The following HSDL2 variants were observed in gnomAD, a reference collection of about 807,000 sequenced individuals.
The protein encoded by HSDL2 is hydroxysteroid dehydrogenase like 2, also known as hydroxysteroid dehydrogenase-like protein 2.
In HSDL2, 27 loss-of-function variants were observed where a neutral mutation model predicts 46.3. That is an observed-to-expected ratio of 0.58 (90% CI 0.43 to 0.80). The LOEUF is 0.80. Among genes scored for constraint, HSDL2 ranks in the 30% least tolerant of loss-of-function variants. HSDL2 has a pLI of 0.00. For missense variants in HSDL2, 451 were observed against 502.7 expected, an observed-to-expected ratio of 0.90 and a Z score of 0.98; for synonymous variants, 153 against 163.6, an observed-to-expected ratio of 0.94 and a Z score of 0.50.
At chr9:112,446,801 C>T (rs960274067) in intron 8 of HSDL2, among the ~76,000 whole-genome samples, 5 of 152,152 alleles carry the variant, frequency 3.3e-5, no homozygotes, top group African/African-American at 1.2e-4. Context: ...TTGGGAGCTA[C>T]AAGCTTTGGA....
chr9:112,415,166 A>G (rs2132637782), intron 4 of HSDL2, among the ~76,000 whole-genome samples: 1 of 152,320 alleles, frequency 6.6e-6, no homozygotes, highest in East Asian at 1.9e-4. Context: ...CTTTTTAAAA[A>G]TAAAGCTATG....
chr9:112,454,176 CT>C lies in HSDL2; in HGVS notation c.1015+15del, dbSNP rs1258556347. ...TTGAACTCTCCGGTAAGGACTGCAT[CT>C]GGTAATCTGAAGTTTTTATGAAACA... On this transcript the variant is annotated intron_variant, in intron 9 of 10. Coordinates refer to ENST00000398805, the MANE Select transcript of HSDL2 (RefSeq NM_032303.5). The C allele has an allele frequency of 6.3e-7, 1 of 1,595,156 alleles. No individual in the cohort carries two copies. Among genetic ancestry groups the C allele is most frequent in the East Asian group, 2.2e-5 (1 of 44,636 alleles).
chr9:112,432,467 T>C (rs2132662930), intron 6 of HSDL2, among the ~76,000 whole-genome samples: 1 of 152,296 alleles, frequency 6.6e-6, no homozygotes, highest in East Asian at 1.9e-4. Flanking sequence ...AGTGAGTAAA[T>C]GAGTGAATGA....
chr9:112,416,372 T>A (rs917778397), intron 4 of HSDL2, among the ~76,000 whole-genome samples: 3 of 150,300 alleles, frequency 2.0e-5, no homozygotes, highest in Non-Finnish European at 4.4e-5. Context: ...GAGGCTACAA[T>A]GAGATGTGAT....
At chr9:112,386,331 A>T (rs901141210) in intron 1 of HSDL2, among the ~76,000 whole-genome samples, 6 of 152,180 alleles carry the variant, frequency 3.9e-5, no homozygotes, top group Non-Finnish European at 7.4e-5. Context: ...AAGGTGTAAG[A>T]CAGGAAGAAA....
At chr9:112,393,025 C>T (rs996477500) in intron 1 of HSDL2, among the ~76,000 whole-genome samples, 2 of 152,086 alleles carry the variant, frequency 1.3e-5, no homozygotes, top group Admixed American at 6.6e-5. Context: ...TGAGCCATGG[C>T]GATGAAGGCT....
chr9:112,456,920 C>T (rs1176930222), intron 9 of HSDL2, among the ~76,000 whole-genome samples: 6 of 152,004 alleles, frequency 3.9e-5, no homozygotes, highest in South Asian at 2.1e-4. Context: ...TTTGGAAGGC[C>T]GAGGTGGGCA....
Position 112,461,622 on chromosome 9 carries a change from G to A in HSDL2, c.1144+2045G>A, listed in dbSNP as rs111942412. ...TTATTGCATGATTGCTACAGGTTAA[G>A]CAATACTCCCAACAGTTCTTTCCAA... On this transcript the variant is annotated intron_variant, in intron 10 of 10. Coordinates refer to ENST00000398805, the MANE Select transcript of HSDL2 (RefSeq NM_032303.5). Among the ~76,000 whole-genome samples the A allele has an allele frequency of 4.4e-3, 665 of 152,330 alleles. 13 individuals carry two copies. The highest frequency in any genetic ancestry group is 3.8e-3 in the Non-Finnish European group (261 of 68,026).
At chr9:112,432,096 G>T (rs1832420715) in intron 6 of HSDL2, among the ~76,000 whole-genome samples, 1 of 152,056 alleles carries the variant, frequency 6.6e-6, no homozygotes, top group Admixed American at 6.6e-5. Context: ...TGACCAGTCT[G>T]GTCTTGAACT....
chr9:112,403,993 A>G lies in HSDL2; in HGVS notation c.18-2A>G, dbSNP rs766864943. 4 of 1,613,618 alleles carry G rather than the reference A, an allele frequency of 2.5e-6. No individual in the cohort carries two copies. The highest frequency in any genetic ancestry group is 3.4e-6 in the Non-Finnish European group (4 of 1,179,716). On this transcript the variant is annotated splice_acceptor_variant, in intron 1 of 10. Coordinates refer to ENST00000398805, the MANE Select transcript of HSDL2 (RefSeq NM_032303.5). LOFTEE classifies it high-confidence loss of function. ...AATAAGGTCGTATTTGTTCTGTTGT[A>G]GGAGGCTGGCAGGATGTACAGTTTT...
At chr9:112,453,621 G>A (rs1832941745) in intron 8 of HSDL2, among the ~76,000 whole-genome samples, 1 of 151,992 alleles carries the variant, frequency 6.6e-6, no homozygotes, top group African/African-American at 2.4e-5. Context: ...TCGAACTCCT[G>A]GGCTCAAGTG....
chr9:112,470,662 G>A lies in HSDL2; in HGVS notation c.*118G>A. 1 of 560,206 alleles carries A rather than the reference G, an allele frequency of 1.8e-6. No individual in the cohort carries two copies. The highest frequency in any genetic ancestry group is 2.6e-5 in the South Asian group (1 of 39,016). 34.7% of individuals were successfully genotyped at this position (560,206 alleles called of 1,614,324 possible). ...TTATAAGGATATGCACGTTTGTTCT[G>A]GAAAAGATAGAATTTGTCTCTAAAA... On this transcript the variant is annotated 3_prime_UTR_variant, in exon 11 of 11. Transcript: ENST00000398805.
intron 1 of HSDL2, among the ~76,000 whole-genome samples, chr9:112,382,416 GA>G (rs1450592373): frequency 6.6e-6 from 1 of 152,130 alleles, no homozygotes; most frequent in Non-Finnish European, 1.5e-5. Context: ...TCTAATTAGA[GA>G]AAAAAGTGTC....
At chr9:112,449,536 A>G (rs1482950136) in intron 8 of HSDL2, among the ~76,000 whole-genome samples, 1 of 152,040 alleles carries the variant, frequency 6.6e-6, no homozygotes. Flanking sequence ...CTTTTTAATA[A>G]CAACTCGAGA....
chr9:112,455,251 A>G (rs978554975), intron 9 of HSDL2, among the ~76,000 whole-genome samples: 2 of 152,028 alleles, frequency 1.3e-5, no homozygotes, highest in Non-Finnish European at 2.9e-5. Flanking sequence ...TCAAACAAAT[A>G]AAAGTTAAGA....
intron 6 of HSDL2, among the ~76,000 whole-genome samples, chr9:112,420,859 A>G (rs1264279831): frequency 3.9e-5 from 6 of 152,246 alleles, no homozygotes; most frequent in Non-Finnish European, 8.8e-5. Flanking sequence ...AAATAACTCA[A>G]TAACTTTTAT....
At position 112,380,131 on chromosome 9, in the gene HSDL2, TGTCGCCGCC is replaced by T; in HGVS notation, c.-32_-24del. The T allele has an allele frequency of 1.3e-6, 2 of 1,555,842 alleles. No individual in the cohort carries two copies. Among genetic ancestry groups the T allele is most frequent in the Non-Finnish European group, 8.7e-7 (1 of 1,147,710 alleles). ...TTAGCTCTCTGCTCGCCGCCGCCGC[TGTCGCCGCC>T]ACCTCCTCTGATCTACGAAAGTCAT... On this transcript the variant is annotated 5_prime_UTR_variant, in exon 1 of 11. Coordinates refer to ENST00000398805, the MANE Select transcript of HSDL2 (RefSeq NM_032303.5).
intron 1 of HSDL2, among the ~76,000 whole-genome samples, chr9:112,385,076 T>C (rs1407510796): frequency 6.6e-6 from 1 of 150,698 alleles, no homozygotes; most frequent in African/African-American, 2.5e-5. Context: ...CTTGCAGTAG[T>C]GAAAAACTTG....
At chr9:112,470,301 G>T (rs893256083) in intron 10 of HSDL2, 131 bp from the exon 11 acceptor site, 2 of 506,826 alleles carry the variant, frequency 3.9e-6, no homozygotes, top group Non-Finnish European at 7.0e-6. Context: ...ATAAAATGCT[G>T]TAACAGAAAT....
Sources: gnomAD v4.1 joint callset for allele counts (sites outside exome capture counted in the v4.1 genomes callset) on GRCh38, gnomAD v4.1.1 for gene constraint, MANE v1.5 for transcripts, NCBI Gene and HGNC (gene_info 2026-07-23, HGNC 2026-07-21) for gene names.